PAG1: variants seen among roughly 807,000 people sequenced by gnomAD.
The protein encoded by PAG1 is phosphoprotein associated with glycosphingolipid-enriched microdomains 1.
A neutral mutation model predicts 31.7 loss-of-function variants in PAG1; 23 were observed. The observed-to-expected ratio is 0.73, with a 90% confidence interval of 0.52 to 1.03. The LOEUF (loss-of-function observed/expected upper bound fraction) is 1.03. Among genes scored for constraint, PAG1 ranks in the 50% least tolerant of loss-of-function variants. The probability of loss-of-function intolerance (pLI) is 0.00; values close to 1 mark genes in which losing one functional copy is unlikely to be tolerated. For missense variants in PAG1, 473 were observed against 540.7 expected, an observed-to-expected ratio of 0.87 and a Z score of 1.24; for synonymous variants, 214 against 210.3, an observed-to-expected ratio of 1.02 and a Z score of -0.15.
intron 1 of PAG1, among the ~76,000 whole-genome samples, chr8:81,079,738 C>T (rs1809234741): frequency 6.6e-6 from 1 of 151,632 alleles, no homozygotes; most frequent in African/African-American, 2.4e-5. Context: ...ATGCGTATCG[C>T]ATGCCATGAA....
chr8:81,092,904 C>T (rs1395258706), intron 1 of PAG1, among the ~76,000 whole-genome samples: 1 of 152,184 alleles, frequency 6.6e-6, no homozygotes, highest in African/African-American at 2.4e-5. Flanking sequence ...TGTATCAGAT[C>T]TCTCTTTAAA....
At chr8:81,056,235 G>A (rs1808820867) in intron 2 of PAG1, among the ~76,000 whole-genome samples, 1 of 152,042 alleles carries the variant, frequency 6.6e-6, no homozygotes. Flanking sequence ...AGTTCACATG[G>A]AACCAAAAAA....
At chr8:81,104,229 C>G (rs1198991674) in intron 1 of PAG1, among the ~76,000 whole-genome samples, 1 of 152,164 alleles carries the variant, frequency 6.6e-6, no homozygotes, top group Non-Finnish European at 1.5e-5. Context: ...ATTTCAATTT[C>G]ATTTCTTTTG....
At chr8:81,062,146 C>T (rs780535102) in intron 2 of PAG1, among the ~76,000 whole-genome samples, 1 of 152,256 alleles carries the variant, frequency 6.6e-6, no homozygotes, top group Non-Finnish European at 1.5e-5. Context: ...CCACACTCAT[C>T]GCAATAGTCA....
At chr8:81,062,995 G>C (rs1349504553) in intron 2 of PAG1, among the ~76,000 whole-genome samples, 2 of 152,190 alleles carry the variant, frequency 1.3e-5, no homozygotes, top group Non-Finnish European at 2.9e-5. Context: ...CTAAATAAAG[G>C]GAGAAAGGGA....
chr8:80,979,241 T>C (rs1371676795), intron 8 of PAG1, among the ~76,000 whole-genome samples: 1 of 152,238 alleles, frequency 6.6e-6, no homozygotes, highest in Non-Finnish European at 1.5e-5. Flanking sequence ...AGAACTCCTA[T>C]ATATTTTACC....
intron 3 of PAG1, among the ~76,000 whole-genome samples, chr8:80,994,381 A>G (rs1287552990): frequency 6.6e-6 from 1 of 152,256 alleles, no homozygotes; most frequent in African/African-American, 2.4e-5. Context: ...CAATTGCAAG[A>G]GAAGCATAAG....
rs1807010797 is a variant in PAG1 at position 80,968,536 on chromosome 8, TA to T, written c.*8007del. On this transcript the variant is annotated 3_prime_UTR_variant, in exon 9 of 9. Coordinates refer to ENST00000220597, the MANE Select transcript of PAG1 (RefSeq NM_018440.4). ...TTTTCACCCATAAAAATTTTTGAAA[TA>T]CTATGAGCAAGATACAAACATTCTG... 6.6e-6 allele frequency: 1 copy of T among 152,214 alleles called. No individual in the cohort carries two copies. Among genetic ancestry groups the T allele is most frequent in the South Asian group, 2.1e-4 (1 of 4,832 alleles). The allele number at this position is 152,214 out of a possible 1,614,324, so 9.4% of individuals were successfully genotyped here.
At chr8:80,987,743 A>G (rs1021089805) in intron 5 of PAG1, among the ~76,000 whole-genome samples, 2 of 152,176 alleles carry the variant, frequency 1.3e-5, no homozygotes, top group Non-Finnish European at 2.9e-5. Flanking sequence ...TAAGTACAGT[A>G]ATTTAACAAT....
At chr8:81,019,830 G>A (rs937311234) in intron 3 of PAG1, among the ~76,000 whole-genome samples, 1 of 152,180 alleles carries the variant, frequency 6.6e-6, no homozygotes, top group African/African-American at 2.4e-5. Context: ...ACCCTGGAAT[G>A]GTAGATCCAC....
At chr8:81,100,716 A>C (rs1474649871) in intron 1 of PAG1, among the ~76,000 whole-genome samples, 1 of 152,242 alleles carries the variant, frequency 6.6e-6, no homozygotes, top group Non-Finnish European at 1.5e-5. Flanking sequence ...AAAGCATACG[A>C]CTAGCAAATG....
chr8:81,105,310 T>C, intron 1 of PAG1, among the ~76,000 whole-genome samples: 1 of 152,116 alleles, frequency 6.6e-6, no homozygotes, highest in East Asian at 1.9e-4. Context: ...ATGTGCCTGG[T>C]ATCATATTAA....
chr8:81,059,511 G>A (rs1586194708), intron 2 of PAG1, among the ~76,000 whole-genome samples: 1 of 152,200 alleles, frequency 6.6e-6, no homozygotes, highest in South Asian at 2.1e-4. Context: ...GTCAGGGTTT[G>A]TTTGCCTGGA....
chr8:81,095,763 C>G (rs1238877620), intron 1 of PAG1, among the ~76,000 whole-genome samples: 5 of 152,116 alleles, frequency 3.3e-5, no homozygotes, highest in Admixed American at 6.5e-5. Context: ...TGCATGCCCC[C>G]TTAATTAATT....
At chr8:81,101,661 C>T (rs1257894680) in intron 1 of PAG1, among the ~76,000 whole-genome samples, 1 of 152,094 alleles carries the variant, frequency 6.6e-6, no homozygotes, top group Non-Finnish European at 1.5e-5. Context: ...CATAAACAGG[C>T]TTTGGACTCT....
chr8:81,071,173 G>C (rs1477094956), intron 1 of PAG1, among the ~76,000 whole-genome samples: 3 of 152,170 alleles, frequency 2.0e-5, no homozygotes, highest in African/African-American at 7.2e-5. Flanking sequence ...AATAAGCAAG[G>C]TGGTAATTCC....
intron 3 of PAG1, among the ~76,000 whole-genome samples, chr8:81,003,089 C>T (rs1165724597): frequency 6.6e-6 from 1 of 152,176 alleles, no homozygotes; most frequent in Non-Finnish European, 1.5e-5. Context: ...ATGCAGAATT[C>T]TGAACCTTCC....
At chr8:80,988,940 C>T (rs1417413606) in intron 5 of PAG1, among the ~76,000 whole-genome samples, 1 of 152,174 alleles carries the variant, frequency 6.6e-6, no homozygotes, top group African/African-American at 2.4e-5. Flanking sequence ...CCCAACTTGT[C>T]TCAGGTTGCA....
chr8:81,013,365 C>T (rs779624091), intron 3 of PAG1, among the ~76,000 whole-genome samples: 3 of 152,204 alleles, frequency 2.0e-5, no homozygotes, highest in Non-Finnish European at 4.4e-5. Flanking sequence ...TATCCAGCTG[C>T]ACCTGGGCTT....
Sources: allele counts gnomAD v4.1 joint callset (sites outside exome capture counted in the v4.1 genomes callset), GRCh38; gene constraint gnomAD v4.1.1; transcripts MANE v1.5; gene names NCBI Gene and HGNC (gene_info 2026-07-23, HGNC 2026-07-21).